Variants in RPTOR observed in about 807,000 individuals in gnomAD.
RPTOR encodes regulatory associated protein of MTOR complex 1, also known as regulatory-associated protein of mTOR.
Under a neutral mutation model 169.9 loss-of-function variants are expected in RPTOR, and 21 were observed. The ratio of observed to expected loss-of-function variants is 0.12; its 90% CI spans 0.09 to 0.18. RPTOR has a LOEUF of 0.18. RPTOR is among the 10% of genes least tolerant of loss of function. The pLI is 1.00. For missense variants in RPTOR, 1,133 were observed against 1,855.9 expected (o/e 0.61, Z 7.16); for synonymous variants, 732 against 753.2 (o/e 0.97, Z 0.46).
At chr17:80,897,554 C>T (rs10871490) in intron 20 of RPTOR, among the ~76,000 whole-genome samples, 109,694 of 152,196 alleles carry the variant, frequency 0.72, 40,051 homozygotes, top group Admixed American at 0.78. Flanking sequence ...GATTGAATTT[C>T]TTGTGAAATA....
intron 6 of RPTOR, among the ~76,000 whole-genome samples, chr17:80,778,718 G>C (rs958063021): frequency 2.0e-5 from 3 of 152,166 alleles, no homozygotes; most frequent in Non-Finnish European, 2.9e-5. Flanking sequence ...AGGATGACTA[G>C]AGCCCGGGAG....
At chr17:80,717,409 G>A (rs906329593) in intron 4 of RPTOR, among the ~76,000 whole-genome samples, 3 of 152,186 alleles carry the variant, frequency 2.0e-5, no homozygotes, top group Non-Finnish European at 4.4e-5. Context: ...CTACGCTAAT[G>A]TCATAAAAGC....
At chr17:80,773,797 G>C in intron 6 of RPTOR, 1 of 985,340 alleles carries the variant, frequency 1.0e-6, no homozygotes, top group Admixed American at 6.1e-5. Context: ...GGCGCTGCCA[G>C]CAAACTGTTC....
At chr17:80,816,581 C>T (rs971527062) in intron 7 of RPTOR, among the ~76,000 whole-genome samples, 28 of 152,132 alleles carry the variant, frequency 1.8e-4, no homozygotes, top group East Asian at 1.9e-4. Context: ...AAAGAGCTGG[C>T]GACGCAGTGC....
In RPTOR at chr17:80,957,713, C is replaced by T. The variant is rs750857501; in HGVS notation, c.3460C>T (p.Arg1154Cys). ...VRIVRIWDTD[R>C]EMKVQDIPTG... The stretch of plus-strand genomic sequence containing the variant: ...GATCGTCCGGATCTGGGACACAGAC[C>T]GTGAGATGAAGGTGCAGGTAACCAT... Residue 1154 changes from arginine to cysteine, a missense_variant, in exon 29 of 34, where the codon CGT becomes TGT. By Grantham distance (180) the Arg-to-Cys change is radical. This residue lies in a region of RPTOR where 410 missense variants were observed against 623.7 expected (regional missense o/e 0.66). Coordinates refer to ENST00000306801, the MANE Select transcript of RPTOR (RefSeq NM_020761.3). The surrounding 1 kb of genome is among the most constrained non-coding windows in gnomAD (Gnocchi z 4.6). 29 of 1,613,946 alleles carry T rather than the reference C, an allele frequency of 1.8e-5. No homozygotes were observed. The African/African-American group carries it at 1.9e-4, about 10-fold the overall frequency.
intron 13 of RPTOR, among the ~76,000 whole-genome samples, chr17:80,876,051 G>C (rs1169888541): frequency 2.2e-5 from 2 of 92,822 alleles, no homozygotes; most frequent in Non-Finnish European, 4.3e-5. Flanking sequence ...TCACCTGCTG[G>C]GTCTTCACAC....
At position 80,646,872 on chromosome 17, in the gene RPTOR, G is replaced by C. The variant is rs1046459133; in HGVS notation, c.348+3062G>C. ...GTTGCCTCCACGCTGGCATGGATGG[G>C]AGCAGAGTAGGAAATGCCTGTTTTC... On this transcript the variant is annotated intron_variant, in intron 3 of 33. Transcript: ENST00000306801. This position sits in a 1 kb window ranked among gnomAD's most constrained non-coding sequence, Gnocchi z 5.0. 6.6e-6 allele frequency among the ~76,000 whole-genome samples: 1 copy of C among 152,186 alleles called. No homozygotes were observed. Among genetic ancestry groups the C allele is most frequent in the Non-Finnish European group, 1.5e-5 (1 of 68,038 alleles).
chr17:80,646,266 A>T lies in RPTOR; in HGVS notation c.348+2456A>T, dbSNP rs2065594892. Among the ~76,000 whole-genome samples the T allele has an allele frequency of 6.6e-6, 1 of 152,190 alleles. No individual in the cohort carries two copies. Among genetic ancestry groups the T allele is most frequent in the Non-Finnish European group, 1.5e-5 (1 of 68,026 alleles). ...AAATGTTTAAAAATTTCCTGCTACTATCCATGAGCGGGCCTCATCTATTTT... is the reference window on the plus strand; with the variant it reads ...AAATGTTTAAAAATTTCCTGCTACTTTCCATGAGCGGGCCTCATCTATTTT... On this transcript the variant is annotated intron_variant, in intron 3 of 33. Transcript: ENST00000306801. This position sits in a 1 kb window ranked among gnomAD's most constrained non-coding sequence, Gnocchi z 5.0.
intron 13 of RPTOR, among the ~76,000 whole-genome samples, chr17:80,875,149 G>C (rs2068093014): frequency 6.6e-6 from 1 of 152,154 alleles, no homozygotes; most frequent in Non-Finnish European, 1.5e-5. Context: ...CTTTGTTAAG[G>C]AGAATAAAGG....
intron 9 of RPTOR, among the ~76,000 whole-genome samples, chr17:80,826,514 G>C (rs930413966): frequency 1.3e-5 from 2 of 152,242 alleles, no homozygotes; most frequent in Non-Finnish European, 2.9e-5. Flanking sequence ...CCAGCAGCCA[G>C]GGCCTCCGGC....
chr17:80,939,595 C>G (rs576501393), intron 24 of RPTOR, among the ~76,000 whole-genome samples: 22 of 152,334 alleles, frequency 1.4e-4, no homozygotes, highest in Admixed American at 5.2e-4. Flanking sequence ...CTTCCACCAT[C>G]AGGAGCCCAG....
At chr17:80,771,057 T>C (rs1164658917) in intron 6 of RPTOR, among the ~76,000 whole-genome samples, 1 of 152,230 alleles carries the variant, frequency 6.6e-6, no homozygotes, top group African/African-American at 2.4e-5. Context: ...CTCACTGGCC[T>C]GTCCCTAATC....
intron 9 of RPTOR, among the ~76,000 whole-genome samples, chr17:80,835,403 G>A (rs976546167): frequency 6.6e-6 from 1 of 152,126 alleles, no homozygotes; most frequent in Admixed American, 6.5e-5. Context: ...AAATTACCCA[G>A]GAGAAGAGAG....
At chr17:80,753,619 C>T (rs966927763) in intron 5 of RPTOR, among the ~76,000 whole-genome samples, 5 of 98,598 alleles carry the variant, frequency 5.1e-5, no homozygotes, top group African/African-American at 1.6e-4. Flanking sequence ...GGCGACAGAG[C>T]GAAACTCCGT....
At chr17:80,961,548 C>G in intron 31 of RPTOR, 68 bp downstream of exon 31, 1 of 1,474,960 alleles carries the variant, frequency 6.8e-7, no homozygotes. Context: ...ATTTAAAATA[C>G]GTCCTTGGTA....
chr17:80,721,200 G>A lies in RPTOR; in HGVS notation c.508-9360G>A, dbSNP rs1306612363. Among the ~76,000 whole-genome samples the A allele has an allele frequency of 2.0e-5, 3 of 151,000 alleles. No individual in the cohort carries two copies. The highest frequency in any genetic ancestry group is 2.1e-4 in the South Asian group (1 of 4,822). On this transcript the variant is annotated intron_variant, in intron 4 of 33. Transcript: ENST00000306801. This position sits in a 1 kb window ranked among gnomAD's most constrained non-coding sequence, Gnocchi z 4.7. The stretch of plus-strand genomic sequence containing the variant: ...GTCCCCTCTGACCCGGTGACACCGT[G>A]GGGAGCAGGTGATGTGGTTCCAGTG...
intron 10 of RPTOR, among the ~76,000 whole-genome samples, chr17:80,843,813 T>G (rs1235987764): frequency 6.6e-6 from 1 of 152,080 alleles, no homozygotes; most frequent in Admixed American, 6.5e-5. Flanking sequence ...TCCACTTAGG[T>G]GTGACTTGGA....
intron 5 of RPTOR, among the ~76,000 whole-genome samples, chr17:80,731,402 T>TA (rs931128996): frequency 9.5e-4 from 137 of 144,848 alleles, no homozygotes; most frequent in South Asian, 3.1e-3. Flanking sequence ...TCTGTTGTGT[T>TA]AAAAAAAAAA....
At chr17:80,809,801 G>A (rs9911236) in intron 7 of RPTOR, among the ~76,000 whole-genome samples, 2,264 of 152,234 alleles carry the variant, frequency 0.015, 56 homozygotes, top group African/African-American at 0.051. Flanking sequence ...CACTTTGGGA[G>A]GTCGAGGTGG....
Sources: allele counts gnomAD v4.1 joint callset (sites outside exome capture counted in the v4.1 genomes callset), GRCh38; gene constraint gnomAD v4.1.1; regional missense constraint gnomAD v4.1.1; non-coding constraint Gnocchi (gnomAD v3.1); transcripts MANE v1.5; gene names NCBI Gene and HGNC (gene_info 2026-07-23, HGNC 2026-07-21).